ZNF407: variants seen among roughly 807,000 people sequenced by gnomAD.
ZNF407 encodes zinc finger protein 407.
Under a neutral mutation model 131.2 loss-of-function variants are expected in ZNF407, and 17 were observed. The observed-to-expected ratio is 0.13, with a 90% CI of 0.09 to 0.19. ZNF407 has a LOEUF of 0.19. ZNF407 is among the 10% of genes least tolerant of loss of function. The pLI is 1.00. For missense variants in ZNF407, 2,681 were observed against 2,830.6 expected (o/e 0.95, Z 1.20); for synonymous variants, 1,156 against 1,062.0 (o/e 1.09, Z -1.72).
intron 3 of ZNF407, among the ~76,000 whole-genome samples, chr18:74,764,880 A>C (rs12326988): frequency 0.12 from 18,995 of 152,242 alleles, 1,738 homozygotes; most frequent in African/African-American, 0.26. Context: ...GAAAATCATA[A>C]GAAATAGGTG....
chr18:74,614,970 G>T (rs1023450527), intron 1 of ZNF407, among the ~76,000 whole-genome samples: 1 of 152,182 alleles, frequency 6.6e-6, no homozygotes, highest in Non-Finnish European at 1.5e-5. Context: ...ATGTTTTGCA[G>T]ACTCCCTTGC....
intron 3 of ZNF407, among the ~76,000 whole-genome samples, chr18:74,672,837 AT>A (rs1986206450): frequency 6.6e-6 from 1 of 152,282 alleles, no homozygotes; most frequent in Admixed American, 6.5e-5. Flanking sequence ...CAATAAAAAA[AT>A]GAAAATATAC....
At chr18:74,617,924 C>T (rs1983384904) in intron 1 of ZNF407, among the ~76,000 whole-genome samples, 1 of 152,150 alleles carries the variant, frequency 6.6e-6, no homozygotes, top group Non-Finnish European at 1.5e-5. Context: ...GCTTTTCTAT[C>T]TCCAGCACTC....
At chr18:74,599,121 A>G (rs145119408) in intron 1 of ZNF407, among the ~76,000 whole-genome samples, 37 of 152,302 alleles carry the variant, frequency 2.4e-4, no homozygotes, top group African/African-American at 7.2e-4. Flanking sequence ...CTTATATGTC[A>G]TTTGGCATAC....
At chr18:74,728,260 A>C (rs1474689537) in intron 3 of ZNF407, among the ~76,000 whole-genome samples, 1 of 152,232 alleles carries the variant, frequency 6.6e-6, no homozygotes, top group African/African-American at 2.4e-5. Context: ...AAACAAATTC[A>C]AGACAATCTC....
chr18:74,951,484 T>C (rs909524596), intron 8 of ZNF407, among the ~76,000 whole-genome samples: 1 of 152,202 alleles, frequency 6.6e-6, no homozygotes, highest in African/African-American at 2.4e-5. Context: ...ACGTTCATGT[T>C]GACCCTTCTG....
intron 8 of ZNF407, among the ~76,000 whole-genome samples, chr18:75,029,643 G>A (rs1320979014): frequency 6.6e-6 from 1 of 152,248 alleles, no homozygotes; most frequent in African/African-American, 2.4e-5. Context: ...GTGCGTGCGT[G>A]TGCATGCGCA....
chr18:74,782,285 A>C (rs946357676), intron 4 of ZNF407, among the ~76,000 whole-genome samples: 1 of 152,180 alleles, frequency 6.6e-6, no homozygotes, highest in African/African-American at 2.4e-5. Context: ...ACTGTTTTCA[A>C]AAGTCACTAG....
chr18:74,739,788 A>G (rs968231737), intron 3 of ZNF407, among the ~76,000 whole-genome samples: 1 of 152,202 alleles, frequency 6.6e-6, no homozygotes, highest in African/African-American at 2.4e-5. Context: ...TATGAAATGC[A>G]AACAAAAATA....
intron 4 of ZNF407, among the ~76,000 whole-genome samples, chr18:74,807,649 A>G (rs1970131832): frequency 6.6e-6 from 1 of 152,234 alleles, no homozygotes; most frequent in Non-Finnish European, 1.5e-5. Flanking sequence ...AATGTATCCA[A>G]TAGAATGTTA....
intron 8 of ZNF407, among the ~76,000 whole-genome samples, chr18:75,012,954 A>T (rs1463002392): frequency 4.7e-5 from 7 of 149,850 alleles, no homozygotes; most frequent in Admixed American, 1.3e-4. Context: ...CTTTTTTAAA[A>T]AAAAAAAAAA....
chr18:74,617,113 A>C (rs1244433105), intron 1 of ZNF407, among the ~76,000 whole-genome samples: 1 of 2,720 alleles, frequency 3.7e-4, no homozygotes, highest in Non-Finnish European at 7.3e-4. Flanking sequence ...CCATATCCAC[A>C]CACCACACAC....
At chr18:74,942,558 G>A (rs1972111531) in intron 8 of ZNF407, among the ~76,000 whole-genome samples, 1 of 152,210 alleles carries the variant, frequency 6.6e-6, no homozygotes, top group Non-Finnish European at 1.5e-5. Flanking sequence ...CTGACCTGAA[G>A]TTTAACATTT....
At chr18:74,691,629 A>G (rs1967225671) in intron 3 of ZNF407, among the ~76,000 whole-genome samples, 1 of 152,148 alleles carries the variant, frequency 6.6e-6, no homozygotes, top group Non-Finnish European at 1.5e-5. Context: ...TCTGAGGATT[A>G]AAGTCTGAAT....
chr18:74,659,568 T>C (rs1353478556), intron 3 of ZNF407, among the ~76,000 whole-genome samples: 3 of 152,184 alleles, frequency 2.0e-5, no homozygotes, highest in Non-Finnish European at 4.4e-5. Context: ...GTGATTGTGC[T>C]TGAGAAACAA....
At position 74,890,024 on chromosome 18, in the gene ZNF407, C is replaced by G. The variant is rs34267623; in HGVS notation, c.5235C>G (p.Pro1745=). 2.5e-6 allele frequency: 4 copies of G among 1,591,680 alleles called. No homozygotes were observed. In the African/African-American group the frequency reaches 5.4e-5, roughly 21 times the overall value. Residue 1745 remains proline (P), a synonymous_variant, in exon 7 of 9, where the codon CCC becomes CCG. Transcript: ENST00000299687. The part of the protein sequence containing the change: ...VHTGEKPYRC[P]WCDYRSNCAE... ...CTGGAGAAAAGCCCTACAGATGCCC[C>G]TGGTGTGACTACAGGTAATGACTCA... is the stretch of plus-strand genomic sequence containing the variant.
intron 8 of ZNF407, among the ~76,000 whole-genome samples, chr18:74,931,795 T>A (rs1568274163): frequency 6.6e-6 from 1 of 152,258 alleles, no homozygotes; most frequent in African/African-American, 2.4e-5. Flanking sequence ...TGATCACTAA[T>A]GATGTTGAGC....
At chr18:74,842,610 GTGT>G (rs1970649679) in intron 4 of ZNF407, among the ~76,000 whole-genome samples, 1 of 151,938 alleles carries the variant, frequency 6.6e-6, no homozygotes, top group East Asian at 1.9e-4. Flanking sequence ...ATGTGTGTGT[GTGT>G]GTGTGTGTGT....
At chr18:74,820,657 T>C (rs1970327816) in intron 4 of ZNF407, among the ~76,000 whole-genome samples, 1 of 152,212 alleles carries the variant, frequency 6.6e-6, no homozygotes, top group African/African-American at 2.4e-5. Context: ...CTGGGAAAGT[T>C]GAAAGCTATA....
Sources: gnomAD v4.1 joint callset for allele counts (sites outside exome capture counted in the v4.1 genomes callset) on GRCh38, gnomAD v4.1.1 for gene constraint, MANE v1.5 for transcripts, NCBI Gene and HGNC (gene_info 2026-07-23, HGNC 2026-07-21) for gene names.